Variants in FBXL2 observed in about 807,000 individuals in gnomAD.
FBXL2 encodes the protein F-box and leucine rich repeat protein 2.
FBXL2 carries 38 observed loss-of-function variants against 69.2 expected under a neutral mutation model. That is an observed-to-expected ratio of 0.55 (90% CI 0.42 to 0.72). FBXL2 has a LOEUF of 0.72. Among genes scored for constraint, FBXL2 ranks in the 30% least tolerant of loss-of-function variants. The pLI is 0.00. For synonymous variants in FBXL2, 192 were observed against 201.3 expected, an observed-to-expected ratio of 0.95 and a Z score of 0.39; for missense variants, 354 against 520.3, an observed-to-expected ratio of 0.68 and a Z score of 3.11.
chr3:33,320,253 T>G (rs1448257151), intron 2 of FBXL2, among the ~76,000 whole-genome samples: 1 of 152,058 alleles, frequency 6.6e-6, no homozygotes, highest in Non-Finnish European at 1.5e-5. Context: ...TGGCATGGAA[T>G]AGAGAACCAG....
chr3:33,356,327 A>G (rs1039766595), intron 2 of FBXL2, among the ~76,000 whole-genome samples: 3 of 152,104 alleles, frequency 2.0e-5, no homozygotes, highest in African/African-American at 7.2e-5. Context: ...GATCCCGAGA[A>G]TAAAGGAGTT....
intron 2 of FBXL2, among the ~76,000 whole-genome samples, chr3:33,334,791 TGGG>T (rs1171540824): frequency 6.6e-6 from 1 of 151,788 alleles, no homozygotes; most frequent in Non-Finnish European, 1.5e-5. Context: ...CTAAAAAAAT[TGGG>T]GGGAGGCTGG....
downstream of FBXL2, among the ~76,000 whole-genome samples, chr3:33,405,774 A>G (rs2044402419): frequency 6.6e-6 from 1 of 152,172 alleles, no homozygotes; most frequent in Non-Finnish European, 1.5e-5. Context: ...AAAAATTTAA[A>G]AATTATTTTG....
At chr3:33,292,721 G>A (rs2035360331) in intron 1 of FBXL2, among the ~76,000 whole-genome samples, 1 of 151,888 alleles carries the variant, frequency 6.6e-6, no homozygotes, top group African/African-American at 2.4e-5. Flanking sequence ...TGTAGACACT[G>A]GCAGAATGGA....
At chr3:33,420,948 G>A in the FBXL2 span, among the ~76,000 whole-genome samples, 1 of 152,138 alleles carries the variant, frequency 6.6e-6, no homozygotes, top group South Asian at 2.1e-4. Context: ...AGTAGAATTT[G>A]GTCTCCAAAT....
At chr3:33,316,795 C>T (rs2037738710) in intron 2 of FBXL2, among the ~76,000 whole-genome samples, 1 of 152,128 alleles carries the variant, frequency 6.6e-6, no homozygotes, top group African/African-American at 2.4e-5. Flanking sequence ...AATTTACAGA[C>T]AATAAAATAT....
chr3:33,364,046 T>C (rs186807442), intron 4 of FBXL2, among the ~76,000 whole-genome samples: 3 of 152,350 alleles, frequency 2.0e-5, no homozygotes, highest in Non-Finnish European at 4.4e-5. Flanking sequence ...TAATCATTGT[T>C]CATTGTTCAT....
chr3:33,312,998 T>C (rs1369024509), intron 2 of FBXL2, among the ~76,000 whole-genome samples: 1 of 152,062 alleles, frequency 6.6e-6, no homozygotes, highest in Non-Finnish European at 1.5e-5. Context: ...TGTGCCTCTG[T>C]AGTCCCAGCT....
rs189780947 is a variant in FBXL2 at position 33,371,051 on chromosome 3, C to T, written c.291-2041C>T. ...CTGTTCTATTTCTGTTTCTGTGTTT[C>T]GTTTTTGATAGTTGCTATTGCTATG... On this transcript the variant is annotated intron_variant, in intron 5 of 14. Transcript: ENST00000484457. Among the ~76,000 whole-genome samples the T allele has an allele frequency of 2.7e-3, 417 of 151,990 alleles. 2 individuals carry two copies. Among genetic ancestry groups the T allele is most frequent in the Non-Finnish European group, 4.1e-3 (276 of 67,964 alleles).
intron 13 of FBXL2, among the ~76,000 whole-genome samples, chr3:33,381,831 A>C (rs185110576): frequency 1.3e-5 from 2 of 152,236 alleles, no homozygotes; most frequent in African/African-American, 2.4e-5. Context: ...CATTGATTAC[A>C]TAAATACTAT....
Position 33,357,095 on chromosome 3 carries a change from T to C in FBXL2, c.66-1872T>C, listed in dbSNP as rs190032869. Among the ~76,000 whole-genome samples, 5 of 152,320 alleles carry C rather than the reference T, an allele frequency of 3.3e-5. No individual in the cohort carries two copies. The East Asian group carries it at 7.7e-4, about 24-fold the overall frequency. On this transcript the variant is annotated intron_variant, in intron 2 of 14. Transcript: ENST00000484457. ...GAGATAGTAATAGCACAACACCTCATAGCAGTGAACTAGCATATAAACCAT... is the reference window on the plus strand; with the variant it reads ...GAGATAGTAATAGCACAACACCTCACAGCAGTGAACTAGCATATAAACCAT...
chr3:33,305,551 TTAATA>T (rs2036640016), intron 2 of FBXL2, among the ~76,000 whole-genome samples: 1 of 151,988 alleles, frequency 6.6e-6, no homozygotes, highest in Admixed American at 6.6e-5. Flanking sequence ...TTTTTTTGAA[TTAATA>T]TAAGCCTCAA....
At chr3:33,345,835 T>A (rs2040390738) in intron 2 of FBXL2, among the ~76,000 whole-genome samples, 1 of 152,180 alleles carries the variant, frequency 6.6e-6, no homozygotes, top group South Asian at 2.1e-4. Flanking sequence ...TATTTTTAAA[T>A]GAGAATGAAA....
chr3:33,349,464 T>A (rs1414442885), intron 2 of FBXL2, among the ~76,000 whole-genome samples: 1 of 152,236 alleles, frequency 6.6e-6, no homozygotes, highest in Non-Finnish European at 1.5e-5. Context: ...CACGTGTTCA[T>A]GATGAATGAT....
chr3:33,313,620 A>ATTTT (rs56719536), intron 2 of FBXL2, among the ~76,000 whole-genome samples: 30 of 148,914 alleles, frequency 2.0e-4, no homozygotes, highest in Admixed American at 1.5e-3. Context: ...TAATTGTTTT[A>ATTTT]TTTTTTTTGT....
chr3:33,314,192 A>G (rs1246477828), intron 2 of FBXL2, among the ~76,000 whole-genome samples: 1 of 152,170 alleles, frequency 6.6e-6, no homozygotes, highest in East Asian at 1.9e-4. Flanking sequence ...TGATGATTTA[A>G]TATATGTATA....
At position 33,373,647 on chromosome 3, in the gene FBXL2, G is replaced by A. The variant is rs766180497; in HGVS notation, c.525G>A (p.Glu175=). 6.2e-7 allele frequency: 1 copy of A among 1,614,190 alleles called. No homozygotes were observed. The highest frequency in any genetic ancestry group is 2.2e-5 in the East Asian group (1 of 44,882). ...WCDQITKDGI[E]ALVRGCRGLK... ...ATCAGATCACGAAGGATGGCATCGAGGCACTGGTGCGAGGTTGTCGAGGCC... is the reference window on the plus strand; with the variant it reads ...ATCAGATCACGAAGGATGGCATCGAAGCACTGGTGCGAGGTTGTCGAGGCC... The change falls in exon 8 of 15, where the codon GAG becomes GAA. Residue 175 remains glutamate, a synonymous_variant. Coordinates refer to ENST00000484457, the MANE Select transcript of FBXL2 (RefSeq NM_012157.5).
chr3:33,321,126 A>T (rs915252697), intron 2 of FBXL2, among the ~76,000 whole-genome samples: 2 of 151,950 alleles, frequency 1.3e-5, no homozygotes, highest in African/African-American at 4.8e-5. Flanking sequence ...CCTGCCCAAC[A>T]TGGAAAAATC....
downstream of FBXL2, chr3:33,388,133 G>GTTAT (rs2043586981): frequency 7.0e-6 from 1 of 143,112 alleles, no homozygotes; most frequent in Admixed American, 6.8e-5. Context: ...AGTTTAGTTA[G>GTTAT]TTAGTTAGTT....
Sources: allele counts gnomAD v4.1 joint callset (sites outside exome capture counted in the v4.1 genomes callset), GRCh38; gene constraint gnomAD v4.1.1; transcripts MANE v1.5; gene names NCBI Gene and HGNC (gene_info 2026-07-23, HGNC 2026-07-21).